ITIH6: variants seen among roughly 807,000 people sequenced by gnomAD.
The protein encoded by ITIH6 is inter-alpha-trypsin inhibitor heavy chain H6.
In ITIH6, 60 loss-of-function variants were observed where a neutral mutation model predicts 58.2. That is an observed-to-expected ratio of 1.03 (90% CI 0.84 to 1.28). The LOEUF (loss-of-function observed/expected upper bound fraction) is 1.28, where lower values mean the gene tolerates loss of function less well. Among genes scored for constraint, ITIH6 ranks in the 50% most tolerant of loss-of-function variants. The pLI, the probability that ITIH6 is intolerant of heterozygous loss-of-function variation, is 0.00. For synonymous variants in ITIH6, 493 were observed against 417.4 expected, an observed-to-expected ratio of 1.18 and a Z score of -2.21; for missense variants, 1,290 against 1,021.1, an observed-to-expected ratio of 1.26 and a Z score of -3.59.
At chrX:54,790,640 T>C (rs750364424) in intron 4 of ITIH6, among the ~76,000 whole-genome samples, 197 bp downstream of exon 4, 40 of 111,775 alleles carry the variant, frequency 3.6e-4, no homozygotes, top group South Asian at 3.8e-4. Flanking sequence ...CCAGGTCATA[T>C]AGCCTGTAAG....
intron 9 of ITIH6, among the ~76,000 whole-genome samples, chrX:54,754,313 G>A (rs1031800853): frequency 9.0e-6 from 1 of 111,558 alleles, no homozygotes; most frequent in Non-Finnish European, 1.9e-5. Flanking sequence ...ATTCTAAGAT[G>A]GCCCACAGGA....
At chrX:54,781,903 T>G (rs375299694) in intron 5 of ITIH6, among the ~76,000 whole-genome samples, 1 of 112,088 alleles carries the variant, frequency 8.9e-6, no homozygotes, top group East Asian at 2.8e-4. Context: ...ATGCAACCAT[T>G]CAAAACAATG....
intron 5 of ITIH6, among the ~76,000 whole-genome samples, chrX:54,785,939 A>G (rs113061958): frequency 9.0e-6 from 1 of 110,647 alleles, no homozygotes; most frequent in African/African-American, 3.3e-5. Context: ...CTTGGCTTCC[A>G]CCACAGAACC....
chrX:54,783,254 A>G (rs1344265110), intron 5 of ITIH6, among the ~76,000 whole-genome samples: 1 of 112,276 alleles, frequency 8.9e-6, no homozygotes, highest in Non-Finnish European at 1.9e-5. Flanking sequence ...GAAAAACTGA[A>G]AGCCTTTCCC....
At chrX:54,770,865 T>G (rs1403029326) in intron 6 of ITIH6, among the ~76,000 whole-genome samples, 1 of 112,550 alleles carries the variant, frequency 8.9e-6, no homozygotes, top group Non-Finnish European at 1.9e-5. Context: ...AGAACTTCTT[T>G]TAACATTTCT....
In ITIH6 at chrX:54,751,396, T is replaced by C; in HGVS notation, c.3353-16A>G. The C allele has an allele frequency of 8.3e-7, 1 of 1,203,068 alleles. No homozygotes were observed. The highest frequency in any genetic ancestry group is 3.0e-5 in the East Asian group (1 of 33,654). ...ACATGCAGCCCTGGAGGGAGGGGAG[T>C]GTGGGCCTGGAGCGGGGGCTTTTGC... On this transcript the variant is annotated splice_polypyrimidine_tract_variant and intron_variant, in intron 11 of 12. Coordinates refer to ENST00000218436, the MANE Select transcript of ITIH6 (RefSeq NM_198510.3).
chrX:54,752,881 C>T (rs1448031818), intron 11 of ITIH6, among the ~76,000 whole-genome samples: 2 of 112,452 alleles, frequency 1.8e-5, no homozygotes, highest in Non-Finnish European at 3.7e-5. Flanking sequence ...CAAAAGCAGA[C>T]TTGTCAAGAG....
chrX:54,797,217 G>A, intron 1 of ITIH6, 121 bp from the exon 2 acceptor site: 1 of 508,253 alleles, frequency 2.0e-6, no homozygotes, highest in Non-Finnish European at 3.1e-6. Flanking sequence ...ATAAACTAAG[G>A]CCTAGAGAGG....
In ITIH6 at chrX:54,758,323, G is replaced by A. The variant is rs139954521; in HGVS notation, c.1751C>T (p.Thr584Ile). 24 of 1,210,561 alleles carry A rather than the reference G, an allele frequency of 2.0e-5. No individual in the cohort carries two copies. In the African/African-American group the frequency reaches 3.1e-4, roughly 16 times the overall value. Residue 584 changes from threonine to isoleucine, a missense_variant, in exon 8 of 13, where the codon ACT becomes ATT. Physicochemically the swap from Thr to Ile is moderately conservative, Grantham distance 89. Coordinates refer to ENST00000218436, the MANE Select transcript of ITIH6 (RefSeq NM_198510.3). Reference sequence around the variant, plus strand: ...GACTTTGGCAGCCAGCAGGTGGCGAGTGGTGGTGTCACGAGCTTGGAAGTG... The same window carrying A: ...GACTTTGGCAGCCAGCAGGTGGCGAATGGTGGTGTCACGAGCTTGGAAGTG... ...DAHFQARDTTTRHLLAAKVLN... is the reference protein window; with the variant it reads ...DAHFQARDTTIRHLLAAKVLN...
intron 6 of ITIH6, among the ~76,000 whole-genome samples, chrX:54,770,356 G>T (rs1928923893): frequency 8.9e-6 from 1 of 112,695 alleles, no homozygotes; most frequent in Admixed American, 9.3e-5. Flanking sequence ...GCTCACGCTG[G>T]GAGCTGTAGA....
chrX:54,767,524 A>T (rs1432323049), intron 6 of ITIH6, among the ~76,000 whole-genome samples: 8 of 92,757 alleles, frequency 8.6e-5, no homozygotes, highest in South Asian at 5.3e-4. Flanking sequence ...TCTTGTGGGC[A>T]TTTAGTGCTA....
At chrX:54,795,660 C>T (rs911946742) in intron 2 of ITIH6, among the ~76,000 whole-genome samples, 27 of 111,699 alleles carry the variant, frequency 2.4e-4, no homozygotes, top group African/African-American at 8.5e-4. Flanking sequence ...TTCCTGGATT[C>T]CTCCAGTCCT....
Position 54,758,440 on chromosome X carries a change from G to T in ITIH6, c.1634C>A (p.Ala545Asp), listed in dbSNP as rs756186426. Residue 545 changes from alanine to aspartate, a missense_variant, in exon 8 of 13, where the codon GCC (alanine) becomes GAC (aspartate). By Grantham distance (126) the Ala-to-Asp change is moderately radical (BLOSUM62 -2). Coordinates refer to ENST00000218436, the MANE Select transcript of ITIH6 (RefSeq NM_198510.3). ...SEGATNNSQKAFGCPGEPAPN... is the reference protein window; with the variant it reads ...SEGATNNSQKDFGCPGEPAPN... ...GGCTGGCTCCCCTGGGCAACCAAAG[G>T]CCTTCTGGCTGTTGTTGGTGGCCCC... 1.3e-5 allele frequency: 16 copies of T among 1,208,495 alleles called. No individual in the cohort carries two copies. The highest frequency in any genetic ancestry group is 1.8e-5 in the Non-Finnish European group (16 of 894,306).
intron 2 of ITIH6, among the ~76,000 whole-genome samples, chrX:54,795,936 C>T (rs1929433749): frequency 8.9e-6 from 1 of 112,364 alleles, no homozygotes. Flanking sequence ...GAGATCATAG[C>T]ACAGTGCAGC....
chrX:54,776,200 C>G (rs1929048843), intron 5 of ITIH6, among the ~76,000 whole-genome samples: 1 of 110,227 alleles, frequency 9.1e-6, no homozygotes, highest in Non-Finnish European at 1.9e-5. Context: ...AAAACTGAAC[C>G]AAACTCGGCT....
In ITIH6 at chrX:54,788,564, C is replaced by A; in HGVS notation, c.702G>T (p.Gln234His). 3 of 1,209,939 alleles carry A rather than the reference C, an allele frequency of 2.5e-6. No homozygotes were observed. Among genetic ancestry groups the A allele is most frequent in the Non-Finnish European group, 3.4e-6 (3 of 894,126 alleles). The change falls in exon 5 of 13, where the codon CAG becomes CAT. Residue 234 changes from glutamine to histidine, a missense_variant. Coordinates refer to ENST00000218436, the MANE Select transcript of ITIH6 (RefSeq NM_198510.3). ...TGATGCCTGACCCAGAGATGGACGACTGGTCTTGCAATGTCGGGCAGTAGG... is the reference window on the plus strand; with the variant it reads ...TGATGCCTGACCCAGAGATGGACGAATGGTCTTGCAATGTCGGGCAGTAGG... The part of the protein sequence containing the change: ...RITYCPTLQD[Q>H]SSISGSGIMA...
Position 54,787,042 on chromosome X carries a change from A to G in ITIH6, c.786+1438T>C, listed in dbSNP as rs749482294. 1.4e-3 allele frequency among the ~76,000 whole-genome samples: 156 copies of G among 111,080 alleles called. 2 individuals are homozygous for G. Among genetic ancestry groups the G allele is most frequent in the African/African-American group, 4.5e-3 (139 of 30,596 alleles). ...TGGGAGTTCCTGGTTGTACTAGTCA[A>G]TGCCTTCCATCTGTATTTCAACTGC... On this transcript the variant is annotated intron_variant, in intron 5 of 12. Transcript: ENST00000218436.
chrX:54,757,375 C>T lies in ITIH6; in HGVS notation c.2699G>A (p.Ser900Asn). Reference sequence around the variant, plus strand: ...GATTGTATTTGGGAATGTGCTTAGGCTCTCAGGAAGTGGGGGCCTTGGTCT... The same window carrying T: ...GATTGTATTTGGGAATGTGCTTAGGTTCTCAGGAAGTGGGGGCCTTGGTCT... ...PDRPRPPLPESLSTFPNTISS... is the reference protein window; with the variant it reads ...PDRPRPPLPENLSTFPNTISS... The change falls in exon 8 of 13, where the codon AGC becomes AAC. Residue 900 changes from serine to asparagine, a missense_variant. Physicochemically the swap from Ser to Asn is conservative, Grantham distance 46. Coordinates refer to ENST00000218436, the MANE Select transcript of ITIH6 (RefSeq NM_198510.3). The T allele has an allele frequency of 8.3e-7, 1 of 1,209,334 alleles. No homozygotes were observed. Among genetic ancestry groups the T allele is most frequent in the Non-Finnish European group, 1.1e-6 (1 of 894,438 alleles).
intron 5 of ITIH6, among the ~76,000 whole-genome samples, chrX:54,784,389 C>A (rs1489539009): frequency 9.0e-6 from 1 of 111,249 alleles, no homozygotes; most frequent in Non-Finnish European, 1.9e-5. Context: ...AAATGATAAA[C>A]AAAGTGAAGA....
Sources: gnomAD v4.1 joint callset for allele counts (sites outside exome capture counted in the v4.1 genomes callset) on GRCh38, gnomAD v4.1.1 for gene constraint, MANE v1.5 for transcripts, NCBI Gene and HGNC (gene_info 2026-07-23, HGNC 2026-07-21) for gene names.